COL5A2: variants seen among roughly 807,000 people sequenced by gnomAD.
The protein encoded by COL5A2 is collagen alpha-2(V) chain.
In COL5A2, 23 loss-of-function variants were observed where a neutral mutation model predicts 208.2. That is an observed-to-expected ratio of 0.11 (90% CI 0.08 to 0.16). The LOEUF is 0.16. Among genes scored for constraint, COL5A2 ranks in the 10% least tolerant of loss-of-function variants. COL5A2 has a pLI of 1.00. For missense variants in COL5A2, 1,590 were observed against 1,956.4 expected (o/e 0.81, Z 3.53); for synonymous variants, 625 against 628.5 (o/e 0.99, Z 0.08).
intron 1 of COL5A2, among the ~76,000 whole-genome samples, chr2:189,110,667 AAGT>A (rs1687242865): frequency 2.0e-5 from 3 of 152,216 alleles, no homozygotes; most frequent in African/African-American, 7.2e-5. Context: ...GAAGAAATAA[AAGT>A]GATACAATGG....
chr2:189,419,392 G>T, the COL5A2 span, among the ~76,000 whole-genome samples: 2 of 151,994 alleles, frequency 1.3e-5, no homozygotes, highest in African/African-American at 4.8e-5. Flanking sequence ...AGGCAATCTA[G>T]GAACAAGATG....
the COL5A2 span, among the ~76,000 whole-genome samples, chr2:189,299,646 G>C: frequency 1.3e-5 from 2 of 152,142 alleles, no homozygotes; most frequent in Non-Finnish European, 2.9e-5. Flanking sequence ...AGATTAAATT[G>C]CATTGCCCTT....
chr2:189,129,056 T>C, intron 1 of COL5A2, among the ~76,000 whole-genome samples: 1 of 151,942 alleles, frequency 6.6e-6, no homozygotes, highest in African/African-American at 2.4e-5. Context: ...CTGGTGTGAA[T>C]ATAAGAAGTC....
At chr2:189,416,681 T>C in the COL5A2 span, among the ~76,000 whole-genome samples, 40 of 152,348 alleles carry the variant, frequency 2.6e-4, no homozygotes, top group African/African-American at 9.1e-4. Context: ...CTGCACGTTG[T>C]GCACATGTAC....
At chr2:189,345,068 G>GT in the COL5A2 span, among the ~76,000 whole-genome samples, 1 of 152,220 alleles carries the variant, frequency 6.6e-6, no homozygotes, top group Non-Finnish European at 1.5e-5. Context: ...AGAAAGAGGA[G>GT]TTGGTCAACA....
the COL5A2 span, among the ~76,000 whole-genome samples, chr2:189,394,958 T>C: frequency 2.4e-4 from 37 of 152,304 alleles, no homozygotes; most frequent in East Asian, 7.0e-3. Context: ...GTCTTTTCAA[T>C]GAGATGGTTT....
intron 6 of COL5A2, among the ~76,000 whole-genome samples, chr2:189,095,531 A>G (rs7420319): frequency 0.13 from 20,158 of 151,610 alleles, 1,363 homozygotes; most frequent in Middle Eastern, 0.19. Flanking sequence ...CACACACAAC[A>G]CGCACACACT....
chr2:189,212,879 A>G (rs1169576789), intron 1 of COL5A2, among the ~76,000 whole-genome samples: 1 of 150,322 alleles, frequency 6.7e-6, no homozygotes, highest in African/African-American at 2.4e-5. Flanking sequence ...ATATATATAT[A>G]TATATACACA....
At chr2:189,321,746 T>C in the COL5A2 span, among the ~76,000 whole-genome samples, 10 of 152,218 alleles carry the variant, frequency 6.6e-5, no homozygotes, top group African/African-American at 4.8e-5. Flanking sequence ...TAACACCCCA[T>C]TGTCAACATT....
chr2:189,386,529 G>A, the COL5A2 span, among the ~76,000 whole-genome samples: 1 of 152,034 alleles, frequency 6.6e-6, no homozygotes, highest in Non-Finnish European at 1.5e-5. Context: ...AAATTATCAA[G>A]AAATTAAACA....
intron 3 of COL5A2, among the ~76,000 whole-genome samples, chr2:189,101,012 T>G (rs1312314382): frequency 6.6e-6 from 1 of 152,094 alleles, no homozygotes; most frequent in African/African-American, 2.4e-5. Flanking sequence ...TTTCAAAATT[T>G]GTCTTCGAAC....
chr2:189,217,068 C>CT (rs1476012589), intron 1 of COL5A2, among the ~76,000 whole-genome samples: 1 of 151,560 alleles, frequency 6.6e-6, no homozygotes, highest in Non-Finnish European at 1.5e-5. Context: ...TAAAATAATT[C>CT]TCAAAAAAAA....
chr2:189,223,730 T>C (rs1194190792), intron 1 of COL5A2, among the ~76,000 whole-genome samples: 1 of 152,190 alleles, frequency 6.6e-6, no homozygotes, highest in Non-Finnish European at 1.5e-5. Context: ...TTTCTATTTA[T>C]ATGAAGTAAA....
the COL5A2 span, among the ~76,000 whole-genome samples, chr2:189,359,855 T>C: frequency 1.3e-5 from 2 of 152,170 alleles, no homozygotes; most frequent in Non-Finnish European, 2.9e-5. Context: ...TTTGTTGGCA[T>C]ATAGTTACCA....
At chr2:189,304,238 TAAC>T in the COL5A2 span, among the ~76,000 whole-genome samples, 2 of 152,188 alleles carry the variant, frequency 1.3e-5, no homozygotes, top group Non-Finnish European at 2.9e-5. Flanking sequence ...TTACCAAAAA[TAAC>T]AAGGGCTTTA....
intron 1 of COL5A2, among the ~76,000 whole-genome samples, chr2:189,169,201 T>C (rs888570478): frequency 6.6e-6 from 1 of 152,170 alleles, no homozygotes; most frequent in East Asian, 1.9e-4. Context: ...ACTTCTATGA[T>C]TATCATAGTT....
At chr2:189,268,484 T>C in the COL5A2 span, among the ~76,000 whole-genome samples, 1 of 152,088 alleles carries the variant, frequency 6.6e-6, no homozygotes, top group Non-Finnish European at 1.5e-5. Flanking sequence ...ACAAACACCC[T>C]ACATCTGAGA....
intron 1 of COL5A2, among the ~76,000 whole-genome samples, chr2:189,199,860 T>G (rs1247278329): frequency 6.6e-6 from 1 of 152,236 alleles, no homozygotes; most frequent in East Asian, 1.9e-4. Context: ...TCCTTCTTTG[T>G]ACATCACTAT....
intron 7 of COL5A2, among the ~76,000 whole-genome samples, chr2:189,091,074 T>C (rs1194820082): frequency 2.0e-5 from 3 of 152,214 alleles, no homozygotes; most frequent in African/African-American, 7.2e-5. Flanking sequence ...ATTAAGAACA[T>C]TCTTAATTGA....
Sources: gnomAD v4.1 joint callset for allele counts (sites outside exome capture counted in the v4.1 genomes callset) on GRCh38, gnomAD v4.1.1 for gene constraint, MANE v1.5 for transcripts, NCBI Gene and HGNC (gene_info 2026-07-23, HGNC 2026-07-21) for gene names.